Variants in TRHDE observed in about 807,000 individuals in gnomAD.
The protein encoded by TRHDE is thyrotropin-releasing hormone-degrading ectoenzyme.
Under a neutral mutation model 125.7 loss-of-function variants are expected in TRHDE, and 72 were observed. The ratio of observed to expected loss-of-function variants is 0.57; its 90% CI spans 0.47 to 0.70. TRHDE has a LOEUF of 0.70. TRHDE is among the 30% of genes least tolerant of loss of function. The pLI is 0.00. For synonymous variants in TRHDE, 509 were observed against 509.1 expected (o/e 1.00, Z 0.00); for missense variants, 1,110 against 1,327.1 (o/e 0.84, Z 2.54).
At chr12:72,323,918 A>C (rs1869219083) in intron 2 of TRHDE, among the ~76,000 whole-genome samples, 1 of 152,064 alleles carries the variant, frequency 6.6e-6, no homozygotes, top group African/African-American at 2.4e-5. Flanking sequence ...ACACAGAATG[A>C]CCATCTCAGT....
chr12:72,234,668 A>T (rs985664811), intron 2 of TRHDE, among the ~76,000 whole-genome samples: 7 of 152,132 alleles, frequency 4.6e-5, no homozygotes, highest in African/African-American at 1.2e-4. Flanking sequence ...GGCTGAAGAG[A>T]TTTGGAGTAG....
rs150953882 is a variant in TRHDE at position 72,375,867 on chromosome 12, T to C, written c.1189-2128T>C. ...TGGGTGCGAATAAATATTTGTTGAA[T>C]GAATGAATGCACAAATTAATGAAGA... On this transcript the variant is annotated intron_variant, in intron 2 of 18. Transcript: ENST00000261180. 6.0e-3 allele frequency among the ~76,000 whole-genome samples: 913 copies of C among 152,320 alleles called. 8 individuals are homozygous for C. The highest frequency in any genetic ancestry group is 0.02 in the African/African-American group (842 of 41,584).
At chr12:72,598,165 A>G (rs1012168684) in intron 12 of TRHDE, among the ~76,000 whole-genome samples, 2 of 152,174 alleles carry the variant, frequency 1.3e-5, no homozygotes, top group African/African-American at 4.8e-5. Flanking sequence ...CAGTGATCCT[A>G]TCTATGAATA....
intron 2 of TRHDE, among the ~76,000 whole-genome samples, chr12:72,127,636 C>T (rs573993587): frequency 6.6e-6 from 1 of 152,162 alleles, no homozygotes; most frequent in East Asian, 1.9e-4. Flanking sequence ...GCAATGAGTA[C>T]TCATGGACAT....
intron 2 of TRHDE, among the ~76,000 whole-genome samples, chr12:72,261,004 G>C (rs1878938817): frequency 3.3e-5 from 5 of 152,146 alleles, no homozygotes. Flanking sequence ...CCAAGTTATA[G>C]AGTTGGAAGC....
intron 12 of TRHDE, among the ~76,000 whole-genome samples, chr12:72,580,175 G>A (rs929433239): frequency 6.6e-6 from 1 of 152,234 alleles, no homozygotes; most frequent in South Asian, 2.1e-4. Flanking sequence ...CAGCGATAAT[G>A]TTATTTGTCT....
At chr12:72,502,191 A>T (rs1212235710) in intron 6 of TRHDE, among the ~76,000 whole-genome samples, 1 of 151,722 alleles carries the variant, frequency 6.6e-6, no homozygotes, top group Non-Finnish European at 1.5e-5. Context: ...TCCTTTTTCT[A>T]CCTACTTTGA....
chr12:72,260,060 C>CTA (rs1248738863), intron 2 of TRHDE, among the ~76,000 whole-genome samples: 1 of 152,080 alleles, frequency 6.6e-6, no homozygotes, highest in African/African-American at 2.4e-5. Flanking sequence ...CTATGCACAT[C>CTA]TATATATGCA....
At chr12:72,561,661 T>C (rs1870183475) in intron 7 of TRHDE, among the ~76,000 whole-genome samples, 2 of 152,344 alleles carry the variant, frequency 1.3e-5, no homozygotes, top group East Asian at 3.9e-4. Flanking sequence ...ATCATTATTG[T>C]AATAGGCAGC....
intron 2 of TRHDE, among the ~76,000 whole-genome samples, chr12:72,117,252 T>A (rs1031588771): frequency 6.6e-6 from 1 of 152,142 alleles, no homozygotes; most frequent in Non-Finnish European, 1.5e-5. Context: ...TTTGTTTTTT[T>A]ATATGGTGAG....
At position 72,664,015 on chromosome 12, in the gene TRHDE, C is replaced by T. The variant is rs1003362529; in HGVS notation, c.*820C>T. On this transcript the variant is annotated 3_prime_UTR_variant, in exon 19 of 19. Transcript: ENST00000261180. ...AAAGGCTTCAAGGAATTTATCTCAA[C>T]ATTATTCTTTCTATGTCCTAACTAA... is the stretch of plus-strand genomic sequence containing the variant. The T allele has an allele frequency of 6.6e-6, 1 of 152,026 alleles. No individual in the cohort carries two copies. The highest frequency in any genetic ancestry group is 1.5e-5 in the Non-Finnish European group (1 of 67,994). 9.4% of individuals were successfully genotyped at this position (152,026 alleles called of 1,614,324 possible). A position where few individuals can be genotyped will look rare whatever the true frequency, so the allele number is the denominator to read the frequency against.
chr12:72,245,245 G>A (rs1361608899), intron 2 of TRHDE, among the ~76,000 whole-genome samples: 1 of 130,380 alleles, frequency 7.7e-6, no homozygotes, highest in African/African-American at 2.7e-5. Flanking sequence ...TTGTGTGTAT[G>A]TGTGTGTGTG....
intron 2 of TRHDE, among the ~76,000 whole-genome samples, chr12:72,333,075 A>G (rs1391300334): frequency 6.6e-6 from 1 of 152,232 alleles, no homozygotes; most frequent in Non-Finnish European, 1.5e-5. Flanking sequence ...ATGCGAAGGA[A>G]ATAAAATCCT....
chr12:72,317,040 C>A (rs1868836296), intron 2 of TRHDE, among the ~76,000 whole-genome samples: 1 of 152,144 alleles, frequency 6.6e-6, no homozygotes, highest in Admixed American at 6.6e-5. Context: ...ATATACTGAG[C>A]ATCAGACACT....
At chr12:72,584,119 A>C (rs1871350294) in intron 12 of TRHDE, among the ~76,000 whole-genome samples, 1 of 152,054 alleles carries the variant, frequency 6.6e-6, no homozygotes, top group South Asian at 2.1e-4. Flanking sequence ...GCTGCATTAA[A>C]TCAAAAGCAA....
At chr12:72,639,570 G>A (rs1183616887) in intron 15 of TRHDE, among the ~76,000 whole-genome samples, 1 of 151,272 alleles carries the variant, frequency 6.6e-6, no homozygotes, top group African/African-American at 2.5e-5. Flanking sequence ...TGGAGGAGGA[G>A]AGGCGCTCTG....
intron 7 of TRHDE, among the ~76,000 whole-genome samples, chr12:72,547,796 C>G (rs1869492168): frequency 6.6e-6 from 1 of 151,802 alleles, no homozygotes; most frequent in Non-Finnish European, 1.5e-5. Context: ...TAATACATGA[C>G]CTATTGCAAC....
At chr12:72,099,287 C>A (rs1875011657) in intron 1 of TRHDE, among the ~76,000 whole-genome samples, 1 of 152,164 alleles carries the variant, frequency 6.6e-6, no homozygotes, top group Non-Finnish European at 1.5e-5. Flanking sequence ...GCTACTGTGA[C>A]TGCAGTCTAA....
intron 2 of TRHDE, among the ~76,000 whole-genome samples, chr12:72,260,936 G>A (rs1878937816): frequency 6.6e-6 from 1 of 152,146 alleles, no homozygotes. Context: ...TCTTGCTACA[G>A]TCTTTAGATT....
Sources: allele counts gnomAD v4.1 joint callset (sites outside exome capture counted in the v4.1 genomes callset), GRCh38; gene constraint gnomAD v4.1.1; transcripts MANE v1.5; gene names NCBI Gene and HGNC (gene_info 2026-07-23, HGNC 2026-07-21).